The following SATB2 variants were observed in gnomAD, a reference collection of about 807,000 sequenced individuals.
The protein encoded by SATB2 is DNA-binding protein SATB2.
In SATB2, 1 loss-of-function variant was observed where a neutral mutation model predicts 73.4. The ratio of observed to expected loss-of-function variants is 0.01; its 90% CI spans 0.00 to 0.06. SATB2 has a LOEUF of 0.06. Ranked by LOEUF, SATB2 falls within the 10% of genes least tolerant of loss-of-function variation. SATB2 has a pLI of 1.00. For synonymous variants in SATB2, 397 were observed against 367.0 expected (o/e 1.08, Z -0.93); for missense variants, 459 against 945.8 (o/e 0.49, Z 6.75).
chr2:199,368,530 T>C, intron 6 of SATB2, 75 bp downstream of exon 6: 1 of 870,498 alleles, frequency 1.1e-6, no homozygotes, highest in East Asian at 2.5e-5. Context: ...AAAATGAGCA[T>C]AAATTCCAAA....
At chr2:199,445,170 T>A (rs2105943344) in intron 2 of SATB2, among the ~76,000 whole-genome samples, 1 of 152,282 alleles carries the variant, frequency 6.6e-6, no homozygotes, top group Non-Finnish European at 1.5e-5. Flanking sequence ...CCTACAACAG[T>A]CCCGTTATGG....
rs1692203777 is a variant in SATB2, at chr2:199,272,903, A to C, written c.1741-231T>G. Among the ~76,000 whole-genome samples, 1 of 152,120 alleles carries C rather than the reference A, an allele frequency of 6.6e-6. No homozygotes were observed. Among genetic ancestry groups the C allele is most frequent in the African/African-American group, 2.4e-5 (1 of 41,414 alleles). ...GCCATCATTTATATTCTGAGATGCA[A>C]AGTCAAGTCATTTATTGCCTAAGGT... On this transcript the variant is annotated intron_variant, in intron 10 of 10. Coordinates refer to ENST00000417098, the MANE Select transcript of SATB2 (RefSeq NM_001172509.2). This position sits in a 1 kb window ranked among gnomAD's most constrained non-coding sequence, Gnocchi z 6.7.
At chr2:199,389,488 T>C (rs776357286) in intron 3 of SATB2, among the ~76,000 whole-genome samples, 2 of 152,188 alleles carry the variant, frequency 1.3e-5, no homozygotes, top group African/African-American at 2.4e-5. Flanking sequence ...TAATCCTGCA[T>C]TTATGACAAT....
upstream of SATB2, among the ~76,000 whole-genome samples, chr2:199,459,386 G>C (rs946868053): frequency 6.6e-6 from 1 of 152,164 alleles, no homozygotes; most frequent in Non-Finnish European, 1.5e-5. The surrounding 1 kb of genome is among the most constrained non-coding windows in gnomAD (Gnocchi z 4.2). Flanking sequence ...GCGGGCACTA[G>C]CCGAGCAGGC....
At position 199,272,847 on chromosome 2, in the gene SATB2, A is replaced by G. The variant is rs1212333351; in HGVS notation, c.1741-175T>C. On this transcript the variant is annotated intron_variant, in intron 10 of 10. Transcript: ENST00000417098. This position sits in a 1 kb window ranked among gnomAD's most constrained non-coding sequence, Gnocchi z 6.7. ...TTTCTGGACATTTAGTATCTCACCT[A>G]CAAAACAGGAGGTTCATAACAGTAG... Among the ~76,000 whole-genome samples the G allele has an allele frequency of 6.6e-6, 1 of 152,164 alleles. No homozygotes were observed. The highest frequency in any genetic ancestry group is 1.9e-4 in the East Asian group (1 of 5,184).
chr2:199,388,165 G>A (rs1690015826), intron 3 of SATB2, among the ~76,000 whole-genome samples: 1 of 152,178 alleles, frequency 6.6e-6, no homozygotes, highest in African/African-American at 2.4e-5. Context: ...TATAATCAAT[G>A]AGCCATTAGA....
Position 199,280,001 on chromosome 2 carries a change from C to T in SATB2, c.1741-7329G>A, listed in dbSNP as rs758446472. Among the ~76,000 whole-genome samples, 9 of 152,186 alleles carry T rather than the reference C, an allele frequency of 5.9e-5. No homozygotes were observed. The East Asian group carries it at 7.7e-4, about 13-fold the overall frequency. On this transcript the variant is annotated intron_variant, in intron 10 of 10. Coordinates refer to ENST00000417098, the MANE Select transcript of SATB2 (RefSeq NM_001172509.2). ...ACTAAAAATACAAAAATTAGCCAGG[C>T]GTGGTGGCACGCGCCTGTAATCCCA... is the stretch of plus-strand genomic sequence containing the variant.
intron 8 of SATB2, among the ~76,000 whole-genome samples, chr2:199,327,454 A>C (rs954796184): frequency 2.6e-5 from 4 of 152,160 alleles, no homozygotes; most frequent in African/African-American, 9.7e-5. Flanking sequence ...AACAAACAAA[A>C]AAAATTTATA....
intron 9 of SATB2, among the ~76,000 whole-genome samples, chr2:199,317,194 TG>T (rs1447206824): frequency 1.3e-5 from 2 of 152,022 alleles, no homozygotes; most frequent in Non-Finnish European, 2.9e-5. Context: ...CAGAATGGCT[TG>T]ACAAGTGTGT....
chr2:199,442,339 G>A (rs1691842514), intron 2 of SATB2, among the ~76,000 whole-genome samples: 1 of 152,132 alleles, frequency 6.6e-6, no homozygotes, highest in African/African-American at 2.4e-5. Context: ...CCAGATCACA[G>A]CGCTGTGCGT....
chr2:199,402,285 T>C (rs1164431601), intron 3 of SATB2, among the ~76,000 whole-genome samples: 1 of 152,148 alleles, frequency 6.6e-6, no homozygotes, highest in Non-Finnish European at 1.5e-5. Context: ...CTCAGGACAC[T>C]GAGGCAGGAG....
chr2:199,291,752 A>C (rs2105743118), intron 10 of SATB2, among the ~76,000 whole-genome samples: 1 of 152,168 alleles, frequency 6.6e-6, no homozygotes, highest in Non-Finnish European at 1.5e-5. Context: ...GTCACCACTA[A>C]AAATACAAAA....
intron 7 of SATB2, 145 bp downstream of exon 7, chr2:199,348,556 C>T (rs767445280): frequency 6.6e-5 from 47 of 716,332 alleles, no homozygotes; most frequent in African/African-American, 8.8e-5. Context: ...ATGGTAATAG[C>T]GTTTCATTAA....
upstream of SATB2, among the ~76,000 whole-genome samples, chr2:199,465,706 C>T (rs1483513880): frequency 6.6e-6 from 1 of 152,206 alleles, no homozygotes. Flanking sequence ...TTCTCTCCAA[C>T]CATAGTGATA....
chr2:199,382,759 C>T (rs1288485968), intron 3 of SATB2, among the ~76,000 whole-genome samples: 5 of 152,040 alleles, frequency 3.3e-5, no homozygotes, highest in South Asian at 2.1e-4. Flanking sequence ...TATTTGTAGG[C>T]GATGAAAAAT....
Position 199,348,788 on chromosome 2 carries a change from T to G in SATB2, c.1086A>C (p.Pro362=). Residue 362 remains proline (P), a synonymous_variant, in exon 7 of 11, where the codon CCA becomes CCC. Transcript: ENST00000417098. ...CATCTCTGACTTGCTGGTAGATATC[T>G]GGAGAGACTTCCACGGAAGAGTTGG... ...EPTNSSVEVS[P]DIYQQVRDEL... The G allele has an allele frequency of 6.2e-7, 1 of 1,610,588 alleles. No individual in the cohort carries two copies. The highest frequency in any genetic ancestry group is 8.5e-7 in the Non-Finnish European group (1 of 1,177,380).
intron 10 of SATB2, among the ~76,000 whole-genome samples, chr2:199,292,030 T>C (rs1159628817): frequency 3.9e-5 from 6 of 152,098 alleles, no homozygotes; most frequent in African/African-American, 1.4e-4. Flanking sequence ...ATGAGATATT[T>C]TGAAAGTAGA....
chr2:199,450,667 T>C (rs1450169717), intron 2 of SATB2, among the ~76,000 whole-genome samples: 3 of 152,122 alleles, frequency 2.0e-5, no homozygotes, highest in Non-Finnish European at 2.9e-5. Flanking sequence ...GGAATTCATC[T>C]AGCCCTGTAA....
intron 3 of SATB2, among the ~76,000 whole-genome samples, chr2:199,410,581 A>G (rs1690782132): frequency 6.6e-6 from 1 of 152,226 alleles, no homozygotes; most frequent in Non-Finnish European, 1.5e-5. Flanking sequence ...TGTCTTTACC[A>G]ATCTCCAATC....
Sources: gnomAD v4.1 joint callset for allele counts (sites outside exome capture counted in the v4.1 genomes callset) on GRCh38, gnomAD v4.1.1 for gene constraint, Gnocchi (gnomAD v3.1) non-coding constraint, MANE v1.5 for transcripts, NCBI Gene and HGNC (gene_info 2026-07-23, HGNC 2026-07-21) for gene names.